The following ENDOV variants were observed in gnomAD, a reference collection of about 807,000 sequenced individuals.
The protein encoded by ENDOV is endonuclease V, also known as hEndoV.
ENDOV carries 37 observed loss-of-function variants against 39.4 expected under a neutral mutation model. The ratio of observed to expected loss-of-function variants is 0.94; its 90% CI spans 0.72 to 1.23. The LOEUF is 1.23. Ranked by LOEUF, ENDOV falls within the 50% of genes most tolerant of loss-of-function variation. ENDOV has a pLI of 0.00. For synonymous variants in ENDOV, 186 were observed against 163.4 expected (o/e 1.14, Z -1.05); for missense variants, 441 against 375.7 (o/e 1.17, Z -1.44).
chr17:80,419,641 C>T (rs1048533603), intron 2 of ENDOV: 6 of 702,776 alleles, frequency 8.5e-6, no homozygotes, highest in African/African-American at 5.2e-5. Flanking sequence ...GCTTGTCAGC[C>T]CTTCTGCTGC....
intron 9 of ENDOV, among the ~76,000 whole-genome samples, chr17:80,432,778 GGGGTCTA>G (rs889270840): frequency 1.6e-4 from 25 of 152,016 alleles, no homozygotes; most frequent in African/African-American, 4.8e-4. Context: ...GGGGCGTGTG[GGGGTCTA>G]GGCAGGGGAG....
At position 80,415,177 on chromosome 17, in the gene ENDOV, G is replaced by A; in HGVS notation, c.-18G>A. The A allele has an allele frequency of 1.2e-6, 2 of 1,612,458 alleles. No homozygotes were observed. Among genetic ancestry groups the A allele is most frequent in the Middle Eastern group, 1.7e-4 (1 of 6,060 alleles). ...GCTTCCGGAAGTGACGTGCGGAAGG[G>A]GTGCCCGGGACGAAGCCATGGCCCT... is the stretch of plus-strand genomic sequence containing the variant. On this transcript the variant is annotated 5_prime_UTR_variant, in exon 1 of 10. Coordinates refer to ENST00000518137, the MANE Select transcript of ENDOV (RefSeq NM_173627.5).
At chr17:80,435,992 C>G in intron 9 of ENDOV, 141 bp from the exon 10 acceptor site, 1 of 904,654 alleles carries the variant, frequency 1.1e-6, no homozygotes. Context: ...TGGGCTCAAG[C>G]TTTCCTCCCA....
intron 9 of ENDOV, among the ~76,000 whole-genome samples, chr17:80,430,649 A>G (rs959883998): frequency 2.6e-5 from 4 of 152,230 alleles, no homozygotes; most frequent in Non-Finnish European, 5.9e-5. Flanking sequence ...GGACGGGGGC[A>G]GCACACGGGC....
chr17:80,419,664 C>G, intron 2 of ENDOV: 1 of 702,884 alleles, frequency 1.4e-6, no homozygotes, highest in East Asian at 2.7e-5. Context: ...GAAACAGCTG[C>G]CTGCTCCTTG....
chr17:80,431,201 A>G (rs760009881), intron 9 of ENDOV, among the ~76,000 whole-genome samples: 1 of 152,118 alleles, frequency 6.6e-6, no homozygotes, highest in Admixed American at 6.5e-5. Flanking sequence ...AGAAGGTGCT[A>G]TCCTGGTGTT....
intron 9 of ENDOV, chr17:80,430,443 C>A: frequency 7.5e-7 from 1 of 1,337,356 alleles, no homozygotes; most frequent in Non-Finnish European, 9.9e-7. Flanking sequence ...AATCAGGGTT[C>A]ATTTTTAAAG....
Position 80,425,555 on chromosome 17 carries a change from C to T in ENDOV, c.649C>T (p.Leu217=), listed in dbSNP as rs767026917. The stretch of plus-strand genomic sequence containing the variant: ...CATCTCCGTGGGCCACAGGATGAGC[C>T]TGGAGGCCGCTGTGCGCCTGACTTG... ...LYISVGHRMS[L]EAAVRLTCCC... is the part of the protein sequence containing the mutation. Residue 217 remains leucine, a synonymous_variant, in exon 7 of 10, where the codon CTG becomes TTG. Transcript: ENST00000518137. 6.3e-6 allele frequency: 10 copies of T among 1,592,708 alleles called. No homozygotes were observed. In the South Asian group the frequency reaches 1.0e-4, roughly 16 times the overall value.
rs1057228950 is a variant in ENDOV at position 80,425,574 on chromosome 17, T to C, written c.668T>C (p.Leu223Pro). ...HRMSLEAAVR[L>P]TCCCCRFRIP... ...ATGAGCCTGGAGGCCGCTGTGCGCCTGACTTGCTGCTGCTGCAGGTTCCGG... is the reference window on the plus strand; with the variant it reads ...ATGAGCCTGGAGGCCGCTGTGCGCCCGACTTGCTGCTGCTGCAGGTTCCGG... The change falls in exon 7 of 10, where the codon CTG becomes CCG. Residue 223 changes from leucine (L) to proline (P), a missense_variant. Physicochemically the swap from Leu to Pro is moderately conservative, Grantham distance 98. Coordinates refer to ENST00000518137, the MANE Select transcript of ENDOV (RefSeq NM_173627.5). 13 of 1,592,260 alleles carry C rather than the reference T, an allele frequency of 8.2e-6. No individual in the cohort carries two copies. The highest frequency in any genetic ancestry group is 1.0e-5 in the Non-Finnish European group (12 of 1,173,684).
At position 80,421,835 on chromosome 17, in the gene ENDOV, A is replaced by G. The variant is rs372695550; in HGVS notation, c.236A>G (p.Tyr79Cys). 3.8e-6 allele frequency: 6 copies of G among 1,597,082 alleles called. No homozygotes were observed. Among genetic ancestry groups the G allele is most frequent in the Non-Finnish European group, 5.1e-6 (6 of 1,172,402 alleles). The change falls in exon 3 of 10, where the codon TAT (tyrosine) becomes TGT (cysteine). Residue 79 changes from tyrosine to cysteine, a missense_variant. By Grantham distance (194) the Tyr-to-Cys change is radical. Coordinates refer to ENST00000518137, the MANE Select transcript of ENDOV (RefSeq NM_173627.5). ...CTGCGTGCCTGGTGTCAGGTGGTGT[A>G]TGAGGAGAGCCGCATGGTCAGCCTC... ...VLSFPELEVV[Y>C]EESRMVSLTA...
At chr17:80,415,308 G>T in intron 1 of ENDOV, 58 bp downstream of exon 1, 1 of 1,584,076 alleles carries the variant, frequency 6.3e-7, no homozygotes, top group Non-Finnish European at 8.6e-7. Context: ...GCCCTTCGCG[G>T]ACCCTCCGAG....
In ENDOV at chr17:80,415,236, G is replaced by A; in HGVS notation, c.42G>A (p.Leu14=). 2 of 1,613,534 alleles carry A rather than the reference G, an allele frequency of 1.2e-6. No homozygotes were observed. Among genetic ancestry groups the A allele is most frequent in the Non-Finnish European group, 1.7e-6 (2 of 1,179,740 alleles). The change falls in exon 1 of 10, where the codon CTG becomes CTA. Residue 14 remains leucine (L), a synonymous_variant. Transcript: ENST00000518137. ...EAAGGPPEET[L]SLWKREQARL... ...CGGGAGGGCCGCCGGAGGAAACGCT[G>A]TCACTGTGGAAACGGTAATGCTGTC...
intron 4 of ENDOV, among the ~76,000 whole-genome samples, chr17:80,422,730 C>T (rs1250491848): frequency 2.6e-5 from 4 of 151,128 alleles, no homozygotes; most frequent in Admixed American, 2.6e-4. Context: ...GACGGAGTCT[C>T]GCTCTGTCGC....
chr17:80,422,328 A>T, intron 4 of ENDOV, 83 bp downstream of exon 4: 1 of 1,536,404 alleles, frequency 6.5e-7, no homozygotes, highest in South Asian at 1.2e-5. Context: ...CCCACAGAAA[A>T]TGCTGGGCCC....
In ENDOV at chr17:80,416,019, C is replaced by T. The variant is rs199928942; in HGVS notation, c.228+198C>T. ...TTGGGAGGCTGAGGCGGGGGAATCACCTGAGGTCGGGAGTTCGAGACCAGC... is the reference window on the plus strand; with the variant it reads ...TTGGGAGGCTGAGGCGGGGGAATCATCTGAGGTCGGGAGTTCGAGACCAGC... On this transcript the variant is annotated intron_variant, in intron 2 of 9. Coordinates refer to ENST00000518137, the MANE Select transcript of ENDOV (RefSeq NM_173627.5). 80 of 584,886 alleles carry T rather than the reference C, an allele frequency of 1.4e-4. 1 individual carries two copies. The East Asian group carries it at 2.6e-3, about 19-fold the overall frequency. 36.2% of individuals were successfully genotyped at this position (584,886 alleles called of 1,614,324 possible).
chr17:80,428,527 C>T lies in ENDOV; in HGVS notation c.715-69C>T, dbSNP rs935268268. The T allele has an allele frequency of 2.1e-5, 31 of 1,463,728 alleles. 1 individual carries two copies. In the African/African-American group the frequency reaches 3.2e-4, roughly 15 times the overall value. The allele number at this position is 1,463,728 out of a possible 1,614,324, so 90.7% of individuals were successfully genotyped here. A position where few individuals can be genotyped will look rare whatever the true frequency, so the allele number is the denominator to read the frequency against. On this transcript the variant is annotated intron_variant, in intron 7 of 9. Coordinates refer to ENST00000518137, the MANE Select transcript of ENDOV (RefSeq NM_173627.5). Reference sequence around the variant, plus strand: ...CTGTGGGGGATGGAGGCATTGCCAGCAGCAGCTCCTGGTGGGAAACTGGTC... The same window carrying T: ...CTGTGGGGGATGGAGGCATTGCCAGTAGCAGCTCCTGGTGGGAAACTGGTC...
At chr17:80,420,923 G>A (rs908270017) in intron 2 of ENDOV, among the ~76,000 whole-genome samples, 11 of 152,328 alleles carry the variant, frequency 7.2e-5, no homozygotes, top group East Asian at 5.8e-4. Context: ...GTGATCGTCC[G>A]CCTCGGCCTC....
chr17:80,415,430 G>A, intron 1 of ENDOV, 180 bp downstream of exon 1: 1 of 996,380 alleles, frequency 1.0e-6, no homozygotes, highest in East Asian at 2.6e-5. Context: ...TCCGCGGGGT[G>A]GGCGCGGTTC....
chr17:80,425,287 C>A (rs377660221), intron 6 of ENDOV, among the ~76,000 whole-genome samples, 187 bp downstream of exon 6: 3 of 152,138 alleles, frequency 2.0e-5, no homozygotes, highest in Non-Finnish European at 4.4e-5. Flanking sequence ...TTCCTCCAGC[C>A]GTGCTGAGGG....
Sources: allele counts gnomAD v4.1 joint callset (sites outside exome capture counted in the v4.1 genomes callset), GRCh38; gene constraint gnomAD v4.1.1; transcripts MANE v1.5; gene names NCBI Gene and HGNC (gene_info 2026-07-23, HGNC 2026-07-21).